NKAIN3: variants seen among roughly 807,000 people sequenced by gnomAD.
NKAIN3 encodes sodium/potassium-transporting ATPase subunit beta-1-interacting protein 3.
A neutral mutation model predicts 30.2 loss-of-function variants in NKAIN3; 25 were observed. The observed-to-expected ratio is 0.83, with a 90% CI of 0.60 to 1.16. NKAIN3 has a LOEUF of 1.16. Ranked by LOEUF, NKAIN3 falls within the 50% of genes most tolerant of loss-of-function variation. NKAIN3 has a pLI of 0.00. For missense variants in NKAIN3, 225 were observed against 254.1 expected (o/e 0.89, Z 0.78); for synonymous variants, 91 against 89.6 (o/e 1.02, Z -0.09).
chr8:62,872,294 G>A lies in NKAIN3; in HGVS notation c.472-46159G>A, dbSNP rs1820671541. On this transcript the variant is annotated intron_variant, in intron 4 of 6. Coordinates refer to ENST00000623646, the MANE Select transcript of NKAIN3 (RefSeq NM_001304533.3). Reference sequence around the variant, plus strand: ...GCATGACTAGAGCATATTTGTATCTGCAAACTCAGGACAGAGAACTCTGTG... The same window carrying A: ...GCATGACTAGAGCATATTTGTATCTACAAACTCAGGACAGAGAACTCTGTG... Among the ~76,000 whole-genome samples, 12 of 152,224 alleles carry A rather than the reference G, an allele frequency of 7.9e-5. No homozygotes were observed. In the South Asian group the frequency reaches 2.3e-3, roughly 29 times the overall value.
chr8:62,549,719 C>A (rs1809131794), intron 1 of NKAIN3, among the ~76,000 whole-genome samples: 1 of 151,824 alleles, frequency 6.6e-6, no homozygotes, highest in Admixed American at 6.6e-5. Flanking sequence ...TCTTCTCTAT[C>A]TCCTACTCTT....
At chr8:62,867,824 G>A (rs1288297380) in intron 4 of NKAIN3, among the ~76,000 whole-genome samples, 2 of 152,152 alleles carry the variant, frequency 1.3e-5, no homozygotes, top group East Asian at 3.9e-4. Flanking sequence ...AGAATAAAAA[G>A]CTTCTCTTTG....
intron 1 of NKAIN3, among the ~76,000 whole-genome samples, chr8:62,341,572 A>G (rs1815746597): frequency 6.6e-6 from 1 of 152,048 alleles, no homozygotes; most frequent in Admixed American, 6.6e-5. Flanking sequence ...CTCCAAAGAA[A>G]TTACCTTTGT....
intron 4 of NKAIN3, among the ~76,000 whole-genome samples, chr8:62,825,696 T>G (rs941305318): frequency 6.6e-6 from 1 of 152,166 alleles, no homozygotes; most frequent in Admixed American, 6.5e-5. Flanking sequence ...TGACCATGTA[T>G]GATATGTGGT....
At chr8:62,452,940 C>T (rs935945065) in intron 1 of NKAIN3, among the ~76,000 whole-genome samples, 4 of 152,090 alleles carry the variant, frequency 2.6e-5, no homozygotes, top group African/African-American at 7.2e-5. Flanking sequence ...CATCACTCGG[C>T]ATAATGGATT....
chr8:62,718,987 G>C (rs1281176705), intron 3 of NKAIN3, among the ~76,000 whole-genome samples: 2 of 152,184 alleles, frequency 1.3e-5, no homozygotes, highest in African/African-American at 4.8e-5. Flanking sequence ...GCTCTTGAGA[G>C]ATGTAAAATC....
At position 62,464,051 on chromosome 8, in the gene NKAIN3, C is replaced by T. The variant is rs145962561; in HGVS notation, c.55-115488C>T. Among the ~76,000 whole-genome samples, 4 of 152,262 alleles carry T rather than the reference C, an allele frequency of 2.6e-5. No individual in the cohort carries two copies. In the East Asian group the frequency reaches 7.7e-4, roughly 29 times the overall value. ...TCCATGGGAAACCTAGTGAAATCCACATAAGTGATTTAGTGAATCACAATG... is the reference window on the plus strand; with the variant it reads ...TCCATGGGAAACCTAGTGAAATCCATATAAGTGATTTAGTGAATCACAATG... On this transcript the variant is annotated intron_variant, in intron 1 of 6. Coordinates refer to ENST00000623646, the MANE Select transcript of NKAIN3 (RefSeq NM_001304533.3).
At chr8:62,505,082 A>G (rs1378333470) in intron 1 of NKAIN3, among the ~76,000 whole-genome samples, 2 of 152,250 alleles carry the variant, frequency 1.3e-5, no homozygotes, top group East Asian at 3.8e-4. Flanking sequence ...CAATAAAGGT[A>G]GTAAGAAAGA....
intron 1 of NKAIN3, among the ~76,000 whole-genome samples, chr8:62,523,723 G>T (rs1483987265): frequency 6.6e-6 from 1 of 152,102 alleles, no homozygotes; most frequent in African/African-American, 2.4e-5. Flanking sequence ...GATTTCTTAT[G>T]ACCATGAAGA....
rs1053901500 is a variant in NKAIN3, at chr8:62,966,310, G to A, written c.*903G>A. On this transcript the variant is annotated 3_prime_UTR_variant, in exon 7 of 7. Transcript: ENST00000623646. The stretch of plus-strand genomic sequence containing the variant: ...AAATACTTCTAAAGGAGACATTCAC[G>A]TGTGAGCAACATCAGCTTTTCTTTC... 5.1e-6 allele frequency: 5 copies of A among 984,148 alleles called. No individual in the cohort carries two copies. The highest frequency in any genetic ancestry group is 1.1e-4 in the East Asian group (1 of 8,814). 61.0% of individuals were successfully genotyped at this position (984,148 alleles called of 1,614,324 possible).
chr8:62,264,055 A>C (rs559228507), intron 1 of NKAIN3, among the ~76,000 whole-genome samples: 115 of 152,336 alleles, frequency 7.5e-4, no homozygotes, highest in Non-Finnish European at 3.5e-4. Flanking sequence ...ATATTTAAAC[A>C]AAGGAATATG....
At position 62,969,470 on chromosome 8, in the gene NKAIN3, C is replaced by G. The variant is rs924706340; in HGVS notation, c.*4063C>G. Among the ~76,000 whole-genome samples, 1 of 152,104 alleles carries G rather than the reference C, an allele frequency of 6.6e-6. No individual in the cohort carries two copies. Among genetic ancestry groups the G allele is most frequent in the Non-Finnish European group, 1.5e-5 (1 of 68,022 alleles). Reference sequence around the variant, plus strand: ...GAATAAACAAATCTTCATTTCATACCTAATTTTAAAACGAATTGTGTCCCC... The same window carrying G: ...GAATAAACAAATCTTCATTTCATACGTAATTTTAAAACGAATTGTGTCCCC... On this transcript the variant is annotated 3_prime_UTR_variant, in exon 7 of 7. Coordinates refer to ENST00000623646, the MANE Select transcript of NKAIN3 (RefSeq NM_001304533.3).
intron 4 of NKAIN3, among the ~76,000 whole-genome samples, chr8:62,783,534 A>G (rs1817422762): frequency 6.6e-6 from 1 of 151,728 alleles, no homozygotes; most frequent in Admixed American, 6.6e-5. Flanking sequence ...CCTCCACAAC[A>G]CTAGCAACCA....
At chr8:62,282,494 T>G (rs918140900) in intron 1 of NKAIN3, among the ~76,000 whole-genome samples, 28 of 152,184 alleles carry the variant, frequency 1.8e-4, no homozygotes, top group African/African-American at 6.3e-4. Context: ...GCTGACAGAT[T>G]GACCTGGACT....
chr8:62,845,285 T>TTATATATATATATATA (rs10525699), intron 4 of NKAIN3, among the ~76,000 whole-genome samples: 4,985 of 67,932 alleles, frequency 0.073, 648 homozygotes, highest in Non-Finnish European at 0.11. Flanking sequence ...GGATAGTAGA[T>TTATATATATATATATA]TATATATATA....
At chr8:62,610,793 C>T (rs1429688027) in intron 3 of NKAIN3, among the ~76,000 whole-genome samples, 1 of 152,060 alleles carries the variant, frequency 6.6e-6, no homozygotes, top group Admixed American at 6.5e-5. Context: ...CTCCAAATGT[C>T]TTATTTCCAG....
chr8:62,467,036 G>A (rs1272774484), intron 1 of NKAIN3, among the ~76,000 whole-genome samples: 2 of 152,192 alleles, frequency 1.3e-5, no homozygotes, highest in Admixed American at 1.3e-4. Flanking sequence ...TATAGGACCT[G>A]CCTCCGACCT....
At chr8:62,813,558 A>G (rs1379988915) in intron 4 of NKAIN3, among the ~76,000 whole-genome samples, 2 of 150,404 alleles carry the variant, frequency 1.3e-5, no homozygotes, top group African/African-American at 4.9e-5. Context: ...GGGGAATTTA[A>G]TCCATTTACA....
intron 1 of NKAIN3, among the ~76,000 whole-genome samples, chr8:62,339,562 A>C (rs2129590803): frequency 6.6e-6 from 1 of 152,164 alleles, no homozygotes; most frequent in South Asian, 2.1e-4. Flanking sequence ...AGACACCTTA[A>C]ATTTAAATTA....
Sources: gnomAD v4.1 joint callset for allele counts (sites outside exome capture counted in the v4.1 genomes callset) on GRCh38, gnomAD v4.1.1 for gene constraint, MANE v1.5 for transcripts, NCBI Gene and HGNC (gene_info 2026-07-23, HGNC 2026-07-21) for gene names.